SP110: variants seen among roughly 807,000 people sequenced by gnomAD.
The protein encoded by SP110 is SP110 nuclear body protein, also known as interferon-induced protein 41, 30kD.
SP110 carries 62 observed loss-of-function variants against 92.7 expected under a neutral mutation model. The ratio of observed to expected loss-of-function variants is 0.67; its 90% CI spans 0.55 to 0.83. The LOEUF (loss-of-function observed/expected upper bound fraction) is 0.83, where lower values mean the gene tolerates loss of function less well. SP110 is among the 40% of genes least tolerant of loss of function. SP110 has a pLI of 0.00. For missense variants in SP110, 793 were observed against 863.9 expected, an observed-to-expected ratio of 0.92 and a Z score of 1.03; for synonymous variants, 273 against 305.3, an observed-to-expected ratio of 0.89 and a Z score of 1.10.
chr2:230,199,480 A>AT (rs1357723693), intron 10 of SP110, among the ~76,000 whole-genome samples: 3 of 151,982 alleles, frequency 2.0e-5, no homozygotes, highest in Non-Finnish European at 4.4e-5. Flanking sequence ...AAGTGCTGGG[A>AT]TTATAGGCAT....
Position 230,202,681 on chromosome 2 carries a change from C to T in SP110, c.946G>A (p.Asp316Asn). Residue 316 changes from aspartate (D) to asparagine (N), a missense_variant, in exon 9 of 19, where the codon GAT becomes AAT. Coordinates refer to ENST00000258381, the MANE Select transcript of SP110 (RefSeq NM_080424.4). Reference protein sequence around the residue: ...HGIQKKLKRVDQVPQKKDDST... With the variant: ...HGIQKKLKRVNQVPQKKDDST... ...TCATCTTTCTTTTGAGGAACCTGATCCACCCTTTTGAGCTTCTTTTGGATT... is the reference window on the plus strand; with the variant it reads ...TCATCTTTCTTTTGAGGAACCTGATTCACCCTTTTGAGCTTCTTTTGGATT... The T allele has an allele frequency of 6.2e-7, 1 of 1,614,120 alleles. No homozygotes were observed. The highest frequency in any genetic ancestry group is 8.5e-7 in the Non-Finnish European group (1 of 1,179,986).
Position 230,165,459 on chromosome 2 carries a change from C to T in SP110, c.*3665G>A, listed in dbSNP as rs11689296. Among the ~76,000 whole-genome samples the T allele has an allele frequency of 0.22, 33,390 of 152,166 alleles. 4,408 individuals carry two copies. The highest frequency in any genetic ancestry group is 0.3 in the Non-Finnish European group (20,335 of 67,990). ...AATACAGGTTATCACGTAACACACACTTTTAATTTTTGCTTTTGAATTACT... is the reference window on the plus strand; with the variant it reads ...AATACAGGTTATCACGTAACACACATTTTTAATTTTTGCTTTTGAATTACT... On this transcript the variant is annotated 3_prime_UTR_variant, in exon 19 of 19. Coordinates refer to ENST00000258381, the MANE Select transcript of SP110 (RefSeq NM_080424.4).
In SP110 at chr2:230,201,412, A is replaced by G. The variant is rs190377169; in HGVS notation, c.1049-447T>C. 3.3e-3 allele frequency among the ~76,000 whole-genome samples: 506 copies of G among 152,362 alleles called. 3 individuals carry two copies. The highest frequency in any genetic ancestry group is 0.012 in the African/African-American group (481 of 41,590). On this transcript the variant is annotated intron_variant, in intron 9 of 18. Coordinates refer to ENST00000258381, the MANE Select transcript of SP110 (RefSeq NM_080424.4). ...GATAAAACTGCTGGTGCCTTAAGAC[A>G]CATCAAAGCAGTGTCCCCAAATCTC...
rs752686103 is a variant in SP110 at position 230,171,805 on chromosome 2, C to T, written c.1816-38G>A. 3.3e-6 allele frequency: 5 copies of T among 1,499,694 alleles called. No individual in the cohort carries two copies. The African/African-American group carries it at 6.9e-5, about 21-fold the overall frequency. 92.9% of individuals were successfully genotyped at this position (1,499,694 alleles called of 1,614,324 possible). A position where few individuals can be genotyped will look rare whatever the true frequency, so the allele number is the denominator to read the frequency against. On this transcript the variant is annotated intron_variant, in intron 16 of 18. Transcript: ENST00000258381. ...AAGAGGGCTTGAAAGTGAAATGCAG[C>T]TTAGAAACAGTGAAGCCAGGCGAGT...
chr2:230,169,272 G>T, intron 18 of SP110, 35 bp from the exon 19 acceptor site: 1 of 1,179,042 alleles, frequency 8.5e-7, no homozygotes, highest in Non-Finnish European at 1.3e-6. Flanking sequence ...CACATTGAAG[G>T]ATGAAGGATT....
upstream of SP110, chr2:230,220,161 T>C (rs1278516767): frequency 4.9e-6 from 4 of 820,404 alleles, no homozygotes; most frequent in African/African-American, 3.7e-5. Context: ...GGAGGGCGTG[T>C]TGCCAGTTGG....
At chr2:230,208,872 G>C (rs528818703) in intron 7 of SP110, among the ~76,000 whole-genome samples, 4 of 152,154 alleles carry the variant, frequency 2.6e-5, no homozygotes, top group Non-Finnish European at 4.4e-5. Context: ...GCAGGTTTAA[G>C]ATAATGGCAA....
chr2:230,191,251 T>C (rs1044177876), intron 10 of SP110, among the ~76,000 whole-genome samples: 2 of 151,654 alleles, frequency 1.3e-5, no homozygotes, highest in Non-Finnish European at 2.9e-5. Context: ...AAGAGCAAGC[T>C]AATCCAAAAG....
At chr2:230,206,268 C>T (rs1024879314) in intron 8 of SP110, among the ~76,000 whole-genome samples, 1 of 152,034 alleles carries the variant, frequency 6.6e-6, no homozygotes, top group African/African-American at 2.4e-5. Context: ...CTCCTGCCTC[C>T]ATCACCAAAA....
In SP110 at chr2:230,212,762, T is replaced by C; in HGVS notation, c.582A>G (p.Ser194=). 1 of 1,614,108 alleles carries C rather than the reference T, an allele frequency of 6.2e-7. No homozygotes were observed. The highest frequency in any genetic ancestry group is 8.5e-7 in the Non-Finnish European group (1 of 1,180,008). ...PALIQEGRST[S]VTNDKLTSKM... Reference sequence around the variant, plus strand: ...TGTTGGATGGGATCTGTTTCTCACCTGAAGTGCTTCTTCCTTCCTGGATGA... The same window carrying C: ...TGTTGGATGGGATCTGTTTCTCACCCGAAGTGCTTCTTCCTTCCTGGATGA... The change falls in exon 4 of 19, where the codon TCA becomes TCG. Residue 194 remains serine, a splice_region_variant and synonymous_variant. Transcript: ENST00000258381.
chr2:230,197,480 C>T lies in SP110; in HGVS notation c.1129+3405G>A, dbSNP rs570482567. 4.6e-4 allele frequency among the ~76,000 whole-genome samples: 68 copies of T among 148,676 alleles called. 1 individual carries two copies. The highest frequency in any genetic ancestry group is 4.8e-4 in the Non-Finnish European group (32 of 66,868). On this transcript the variant is annotated intron_variant, in intron 10 of 18. Coordinates refer to ENST00000258381, the MANE Select transcript of SP110 (RefSeq NM_080424.4). ...ATGAGTAGGTTGCGAAAATTTTCTCCCATTTTGTAGGTTGCCTGTTCACTC... is the reference window on the plus strand; with the variant it reads ...ATGAGTAGGTTGCGAAAATTTTCTCTCATTTTGTAGGTTGCCTGTTCACTC...
chr2:230,216,711 G>A (rs1454465944), intron 2 of SP110, 70 bp downstream of exon 2: 1 of 1,588,148 alleles, frequency 6.3e-7, no homozygotes, highest in Non-Finnish European at 8.6e-7. Flanking sequence ...GTGGTTTGTG[G>A]TTTGAGACTT....
chr2:230,216,639 AC>A, intron 2 of SP110, 141 bp downstream of exon 2: 1 of 978,418 alleles, frequency 1.0e-6, no homozygotes, highest in Non-Finnish European at 1.6e-6. Flanking sequence ...TCTCCTAACT[AC>A]CCCCACCTTC....
intron 2 of SP110, among the ~76,000 whole-genome samples, chr2:230,215,780 C>G (rs1394201057): frequency 1.3e-5 from 2 of 152,220 alleles, no homozygotes; most frequent in East Asian, 1.9e-4. Context: ...TAGGCACTGT[C>G]AAGTGGAGAA....
In SP110 at chr2:230,177,880, G is replaced by A. The variant is rs1157694198; in HGVS notation, c.1448-200C>T. 2.6e-5 allele frequency among the ~76,000 whole-genome samples: 4 copies of A among 152,196 alleles called. No individual in the cohort carries two copies. In the East Asian group the frequency reaches 7.7e-4, roughly 29 times the overall value. ...AAAGCCTGACTGAGTGGTGAGGGGTGGGACAGAATGTGCATTCGTGTAGTG... is the reference window on the plus strand; with the variant it reads ...AAAGCCTGACTGAGTGGTGAGGGGTAGGACAGAATGTGCATTCGTGTAGTG... On this transcript the variant is annotated intron_variant, in intron 13 of 18. Coordinates refer to ENST00000258381, the MANE Select transcript of SP110 (RefSeq NM_080424.4).
At chr2:230,196,583 G>C (rs1018677639) in intron 10 of SP110, among the ~76,000 whole-genome samples, 1 of 151,290 alleles carries the variant, frequency 6.6e-6, no homozygotes, top group Non-Finnish European at 1.5e-5. Flanking sequence ...GGGTACATGT[G>C]CACAATGTGC....
chr2:230,170,383 C>G (rs77654831), intron 18 of SP110, among the ~76,000 whole-genome samples: 4,113 of 152,046 alleles, frequency 0.027, 102 homozygotes, highest in Non-Finnish European at 0.039. Flanking sequence ...GATCTGGGAA[C>G]AGAGCATGGT....
intron 15 of SP110, 61 bp from the exon 16 acceptor site, chr2:230,172,235 G>T: frequency 9.6e-7 from 1 of 1,039,398 alleles, no homozygotes; most frequent in Non-Finnish European, 1.5e-6. Flanking sequence ...CACCATTCCT[G>T]TGGCTGCCAC....
intron 4 of SP110, 126 bp downstream of exon 4, chr2:230,212,635 G>A (rs1195324545): frequency 5.3e-6 from 7 of 1,326,960 alleles, no homozygotes. Context: ...AAAGGGTTGT[G>A]TTTGGGTAGA....
Sources: gnomAD v4.1 joint callset for allele counts (sites outside exome capture counted in the v4.1 genomes callset) on GRCh38, gnomAD v4.1.1 for gene constraint, MANE v1.5 for transcripts, NCBI Gene and HGNC (gene_info 2026-07-23, HGNC 2026-07-21) for gene names.